The following MAP4K2 variants were observed in gnomAD, a reference collection of about 807,000 sequenced individuals.
MAP4K2 encodes B lymphocyte serine/threonine protein kinase.
In MAP4K2, 85 loss-of-function variants were observed where a neutral mutation model predicts 125.3. The observed-to-expected ratio is 0.68, with a 90% CI of 0.57 to 0.81. The LOEUF is 0.81. Ranked by LOEUF, MAP4K2 falls within the 40% of genes least tolerant of loss-of-function variation. The pLI is 0.00. For synonymous variants in MAP4K2, 479 were observed against 445.1 expected, an observed-to-expected ratio of 1.08 and a Z score of -0.96; for missense variants, 923 against 1,056.4, an observed-to-expected ratio of 0.87 and a Z score of 1.75.
rs1422913620 is a variant in MAP4K2 at position 64,786,874 on chromosome 11, CAT to C, written c.*2661_*2662del. On this transcript the variant is annotated 3_prime_UTR_variant, in exon 32 of 32. Coordinates refer to ENST00000294066, the MANE Select transcript of MAP4K2 (RefSeq NM_004579.5). ...GGTCATTAACATTTGTTATGGGAAA[CAT>C]ACACAATGGAATACCACTAGCTGTA... 3.3e-5 allele frequency: 5 copies of C among 150,720 alleles called. No individual in the cohort carries two copies. Among genetic ancestry groups the C allele is most frequent in the Admixed American group, 3.3e-4 (5 of 15,126 alleles). 9.3% of individuals were successfully genotyped at this position (150,720 alleles called of 1,614,324 possible). A position where few individuals can be genotyped will look rare whatever the true frequency, so the allele number is the denominator to read the frequency against.
At chr11:64,795,147 A>G (rs558501809) in intron 24 of MAP4K2, among the ~76,000 whole-genome samples, 10 of 146,160 alleles carry the variant, frequency 6.8e-5, no homozygotes, top group African/African-American at 2.6e-4. Flanking sequence ...GCAGTGGTGC[A>G]ATCTCCACTC....
intron 11 of MAP4K2, 46 bp from the exon 12 acceptor site, chr11:64,800,262 G>A (rs758918332): frequency 1.2e-6 from 2 of 1,612,648 alleles, no homozygotes; most frequent in African/African-American, 1.3e-5. Context: ...CCTGATCCAG[G>A]GCCCTGCTTT....
chr11:64,791,342 T>C (rs534673304), intron 27 of MAP4K2, among the ~76,000 whole-genome samples: 1 of 152,320 alleles, frequency 6.6e-6, no homozygotes, highest in Admixed American at 6.5e-5. Context: ...ATCTGCCTCT[T>C]CCCTGCAGCC....
In MAP4K2 at chr11:64,788,533, A is replaced by G. The variant is rs1940299498; in HGVS notation, c.*1004T>C. 1 of 152,402 alleles carries G rather than the reference A, an allele frequency of 6.6e-6. No individual in the cohort carries two copies. The highest frequency in any genetic ancestry group is 2.1e-4 in the South Asian group (1 of 4,832). 9.4% of individuals were successfully genotyped at this position (152,402 alleles called of 1,614,324 possible). A position where few individuals can be genotyped will look rare whatever the true frequency, so the allele number is the denominator to read the frequency against. ...GCCATGCCCTCAAGATGCAGGCTCC[A>G]GCAAGGAGGACGCCCTCCCTGGGGG... On this transcript the variant is annotated 3_prime_UTR_variant, in exon 32 of 32. Coordinates refer to ENST00000294066, the MANE Select transcript of MAP4K2 (RefSeq NM_004579.5).
intron 15 of MAP4K2, 47 bp downstream of exon 15, chr11:64,798,747 T>TA: frequency 6.2e-7 from 1 of 1,610,668 alleles, no homozygotes; most frequent in Non-Finnish European, 8.5e-7. Context: ...AGGTCAGCCT[T>TA]TCTGCCGCCC....
rs758586431 is a variant in MAP4K2 at position 64,796,839 on chromosome 11, C to G, written c.1462G>C (p.Ala488Pro). 6.2e-7 allele frequency: 1 copy of G among 1,613,684 alleles called. No individual in the cohort carries two copies. Among genetic ancestry groups the G allele is most frequent in the Admixed American group, 1.7e-5 (1 of 60,008 alleles). ...GTAACAGGGTGAATCCAGGTGACAG[C>G]AGCGTGGATCCGCAGGGGGCAGCCA... ...FNGCPLRIHA[A>P]VTWIHPVTRD... is the part of the protein sequence containing the mutation. Residue 488 changes from alanine (A) to proline (P), a missense_variant, in exon 21 of 32, where the codon GCT becomes CCT. Ala to Pro is a conservative substitution (Grantham distance 27). Transcript: ENST00000294066.
At chr11:64,797,062 TGTA>T (rs1251109233) in intron 19 of MAP4K2, 39 bp from the exon 20 acceptor site, 1 of 1,614,068 alleles carries the variant, frequency 6.2e-7, no homozygotes, top group Non-Finnish European at 8.5e-7. Context: ...ATATGACAGC[TGTA>T]GCCGCCCGTC....
At position 64,789,502 on chromosome 11, in the gene MAP4K2, G is replaced by A. The variant is rs1196979567; in HGVS notation, c.*35C>T. The stretch of plus-strand genomic sequence containing the variant: ...AAAGGGCCTGCAGCTAAGGCGTGGG[G>A]TGGGGCGGGGAGCCCCTGGACAGGC... On this transcript the variant is annotated 3_prime_UTR_variant, in exon 32 of 32. Coordinates refer to ENST00000294066, the MANE Select transcript of MAP4K2 (RefSeq NM_004579.5). 3 of 1,543,472 alleles carry A rather than the reference G, an allele frequency of 1.9e-6. No homozygotes were observed. The highest frequency in any genetic ancestry group is 2.4e-5 in the East Asian group (1 of 41,424).
Position 64,789,266 on chromosome 11 carries a change from A to G in MAP4K2, c.*271T>C. 1.9e-6 allele frequency: 1 copy of G among 524,590 alleles called. No individual in the cohort carries two copies. Among genetic ancestry groups the G allele is most frequent in the Non-Finnish European group, 3.4e-6 (1 of 290,576 alleles). The allele number at this position is 524,590 out of a possible 1,614,324, so 32.5% of individuals were successfully genotyped here. A position where few individuals can be genotyped will look rare whatever the true frequency, so the allele number is the denominator to read the frequency against. The stretch of plus-strand genomic sequence containing the variant: ...TGGAACAAAATGGAATGGATGGCCC[A>G]GGCCCAGGGTCCCTGCCTTGGGCAC... On this transcript the variant is annotated 3_prime_UTR_variant, in exon 32 of 32. Coordinates refer to ENST00000294066, the MANE Select transcript of MAP4K2 (RefSeq NM_004579.5).
chr11:64,792,331 G>GCCCCGCCCCCCCCCCCCCCC, intron 25 of MAP4K2, 33 bp downstream of exon 25: 1 of 1,535,442 alleles, frequency 6.5e-7, no homozygotes. Context: ...CCCCCACCAG[G>GCCCCGCCCCCCCCCCCCCCC]CCCCGCCCCA....
chr11:64,792,220 C>G lies in MAP4K2; in HGVS notation c.1866G>C (p.Leu622=), dbSNP rs752666094. ...TFLLAALPTS[L]LLLQWYEPLQ... is the part of the protein sequence containing the mutation. The stretch of plus-strand genomic sequence containing the variant: ...GCGGCTCATACCACTGCAGCAGGAG[C>G]AGGCTGGTGGGCAGGGCGGCCAGCA... The change falls in exon 26 of 32, where the codon CTG becomes CTC. Residue 622 remains leucine, a synonymous_variant. Coordinates refer to ENST00000294066, the MANE Select transcript of MAP4K2 (RefSeq NM_004579.5). The G allele has an allele frequency of 1.2e-6, 2 of 1,612,456 alleles. No individual in the cohort carries two copies. Among genetic ancestry groups the G allele is most frequent in the Admixed American group, 3.3e-5 (2 of 59,958 alleles).
intron 5 of MAP4K2, 60 bp downstream of exon 5, chr11:64,802,006 G>C (rs2136055544): frequency 6.5e-7 from 1 of 1,539,794 alleles, no homozygotes; most frequent in African/African-American, 1.4e-5. Flanking sequence ...CTGGTCATCT[G>C]GGCTCCTGGC....
rs768675951 is a variant in MAP4K2 at position 64,802,910 on chromosome 11, G to T, written c.129C>A (p.Ala43=). Residue 43 remains alanine (A), a synonymous_variant, in exon 2 of 32, where the codon GCC becomes GCA. Coordinates refer to ENST00000294066, the MANE Select transcript of MAP4K2 (RefSeq NM_004579.5). ...CTGGGTCTAGCTTGACTATCTTCAC[G>T]GCGGCCAGTTCGGACGTGACCGTGT... is the stretch of plus-strand genomic sequence containing the variant. ...ARDTVTSELA[A]VKIVKLDPGD... The T allele has an allele frequency of 5.6e-6, 9 of 1,599,586 alleles. No individual in the cohort carries two copies. Among genetic ancestry groups the T allele is most frequent in the Non-Finnish European group, 6.8e-6 (8 of 1,173,792 alleles).
Position 64,796,408 on chromosome 11 carries a change from G to A in MAP4K2, c.1634-18C>T, listed in dbSNP as rs1435805423. ...GGATTTCCCTGCAGAAACAGGAAGA[G>A]GCCAGGCCTGGGGTGTTGGTGGGCA... On this transcript the variant is annotated intron_variant, in intron 23 of 31. Coordinates refer to ENST00000294066, the MANE Select transcript of MAP4K2 (RefSeq NM_004579.5). 1 of 1,612,970 alleles carries A rather than the reference G, an allele frequency of 6.2e-7. No individual in the cohort carries two copies. Among genetic ancestry groups the A allele is most frequent in the Non-Finnish European group, 8.5e-7 (1 of 1,179,428 alleles).
In MAP4K2 at chr11:64,801,638, G is replaced by A. The variant is rs1393987126; in HGVS notation, c.415-17C>T. ...GTTGGCTCCCTGTGGGAATGGAGGA[G>A]AGACAATCCCATCTGGTGCCCCCGA... On this transcript the variant is annotated splice_polypyrimidine_tract_variant and intron_variant, in intron 6 of 31. Coordinates refer to ENST00000294066, the MANE Select transcript of MAP4K2 (RefSeq NM_004579.5). 3.1e-6 allele frequency: 5 copies of A among 1,613,866 alleles called. No homozygotes were observed. The highest frequency in any genetic ancestry group is 1.7e-5 in the Admixed American group (1 of 60,000).
At position 64,799,535 on chromosome 11, in the gene MAP4K2, C is replaced by T. The variant is rs772492460; in HGVS notation, c.995-56G>A. On this transcript the variant is annotated intron_variant, in intron 13 of 31. Transcript: ENST00000294066. Reference sequence around the variant, plus strand: ...GCTGGAGTCTCAGGATGGACCTCTACTCACACCAAATCCATGTGCACACAG... The same window carrying T: ...GCTGGAGTCTCAGGATGGACCTCTATTCACACCAAATCCATGTGCACACAG... The T allele has an allele frequency of 1.5e-4, 238 of 1,612,608 alleles. 1 individual carries two copies. The Middle Eastern group carries it at 1.7e-3, about 11-fold the overall frequency.
At chr11:64,790,096 T>C in intron 29 of MAP4K2, 92 bp downstream of exon 29, 1 of 1,540,986 alleles carries the variant, frequency 6.5e-7, no homozygotes, top group Non-Finnish European at 8.9e-7. Flanking sequence ...CTAGGGGATC[T>C]GCCTCCTCAT....
chr11:64,797,634 C>A lies in MAP4K2; in HGVS notation c.1128G>T (p.Leu376=). Residue 376 remains leucine, a synonymous_variant, in exon 16 of 32, where the codon CTG becomes CTT. Coordinates refer to ENST00000294066, the MANE Select transcript of MAP4K2 (RefSeq NM_004579.5). ...GSLLQSVQEA[L]EERSLTIRSA... is the part of the protein sequence containing the mutation. ...AGGCCCACATCCCTCACCTTTCCTCCAGGGCCTCCTGGACCGACTGCAGCA... is the reference window on the plus strand; with the variant it reads ...AGGCCCACATCCCTCACCTTTCCTCAAGGGCCTCCTGGACCGACTGCAGCA... 6.3e-7 allele frequency: 1 copy of A among 1,583,374 alleles called. No homozygotes were observed.
Position 64,792,274 on chromosome 11 carries a change from C to A in MAP4K2, c.1812G>T (p.Val604=). 2 of 1,609,012 alleles carry A rather than the reference C, an allele frequency of 1.2e-6. No homozygotes were observed. Among genetic ancestry groups the A allele is most frequent in the Non-Finnish European group, 1.7e-6 (2 of 1,178,336 alleles). Residue 604 remains valine (V), a splice_region_variant and synonymous_variant, in exon 26 of 32, where the codon GTG becomes GTT. Coordinates refer to ENST00000294066, the MANE Select transcript of MAP4K2 (RefSeq NM_004579.5). The stretch of plus-strand genomic sequence containing the variant: ...AGGTGGCACCCGTGTAGGGGTTCCG[C>A]ACTGGCAGGGGAGCAGGCAGTGGGC... ...DTKGCLQCRV[V]RNPYTGATFL... is the part of the protein sequence containing the mutation.
Sources: allele counts gnomAD v4.1 joint callset (sites outside exome capture counted in the v4.1 genomes callset), GRCh38; gene constraint gnomAD v4.1.1; transcripts MANE v1.5; gene names NCBI Gene and HGNC (gene_info 2026-07-23, HGNC 2026-07-21).